The following RIMS2 variants were observed in gnomAD, a reference collection of about 807,000 sequenced individuals.
The protein encoded by RIMS2 is regulating synaptic membrane exocytosis protein 2.
A neutral mutation model predicts 174.4 loss-of-function variants in RIMS2; 59 were observed. The observed-to-expected ratio is 0.34, with a 90% CI of 0.27 to 0.42. The LOEUF is 0.42. RIMS2 is among the 10% of genes least tolerant of loss of function. The pLI, the probability that RIMS2 is intolerant of heterozygous loss-of-function variation, is 1.00. For missense variants in RIMS2, 1,620 were observed against 1,666.3 expected (o/e 0.97, Z 0.48); for synonymous variants, 606 against 572.5 (o/e 1.06, Z -0.84).
chr8:103,788,576 G>T, intron 3 of RIMS2, among the ~76,000 whole-genome samples: 1 of 151,846 alleles, frequency 6.6e-6, no homozygotes, highest in Non-Finnish European at 1.5e-5. Flanking sequence ...TCCCAGTTAG[G>T]CTGCTCGGGG....
intron 19 of RIMS2, among the ~76,000 whole-genome samples, chr8:104,188,383 T>A (rs191309317): frequency 6.6e-6 from 1 of 151,706 alleles, no homozygotes; most frequent in Non-Finnish European, 1.5e-5. Flanking sequence ...TTCAATATTG[T>A]TTTTCTTTGA....
chr8:103,716,811 T>A (rs113456446), intron 2 of RIMS2, among the ~76,000 whole-genome samples: 1 of 152,186 alleles, frequency 6.6e-6, no homozygotes, highest in Non-Finnish European at 1.5e-5. Context: ...ATTTTTCTTA[T>A]ATGTTTTAGA....
chr8:103,986,714 T>C (rs1164005362), intron 16 of RIMS2, among the ~76,000 whole-genome samples: 3 of 151,600 alleles, frequency 2.0e-5, no homozygotes, highest in Admixed American at 6.6e-5. Context: ...CTACTAAAAA[T>C]ACAAAACAAT....
intron 1 of RIMS2, among the ~76,000 whole-genome samples, chr8:103,534,832 CATTATCCTTAAT>C (rs1839052049): frequency 6.6e-6 from 1 of 152,130 alleles, no homozygotes; most frequent in Non-Finnish European, 1.5e-5. Context: ...TAGCACTACA[CATTATCCTTAAT>C]TTTGCCTTTT....
chr8:103,875,571 G>A (rs967532188), intron 3 of RIMS2, among the ~76,000 whole-genome samples: 1 of 151,892 alleles, frequency 6.6e-6, no homozygotes, highest in Non-Finnish European at 1.5e-5. Flanking sequence ...TGTGATAAAC[G>A]TGTGCAGGTG....
chr8:103,720,019 GTTAACT>G (rs1390296502), intron 2 of RIMS2, among the ~76,000 whole-genome samples: 1 of 152,082 alleles, frequency 6.6e-6, no homozygotes, highest in Non-Finnish European at 1.5e-5. Context: ...CTTGTTAGTT[GTTAACT>G]TTTATTGTAG....
At chr8:103,527,200 A>G (rs529620926) in intron 1 of RIMS2, among the ~76,000 whole-genome samples, 34 of 152,322 alleles carry the variant, frequency 2.2e-4, no homozygotes, top group South Asian at 1.5e-3. Context: ...CTTATCAGAC[A>G]TATAAAGCCA....
intron 1 of RIMS2, among the ~76,000 whole-genome samples, chr8:103,552,885 A>G (rs990585095): frequency 1.1e-4 from 17 of 152,164 alleles, no homozygotes; most frequent in Admixed American, 5.2e-4. Flanking sequence ...GCAAATCAAA[A>G]CCACAATGAG....
intron 19 of RIMS2, among the ~76,000 whole-genome samples, chr8:104,134,571 A>T (rs28783218): frequency 0.22 from 33,318 of 152,138 alleles, 3,869 homozygotes; most frequent in South Asian, 0.34. Context: ...AACTTTAATT[A>T]TTCAGTCAGA....
chr8:103,713,904 T>G (rs1009934201), intron 2 of RIMS2, among the ~76,000 whole-genome samples: 2 of 152,216 alleles, frequency 1.3e-5, no homozygotes, highest in African/African-American at 2.4e-5. Flanking sequence ...CCTTTTTTTC[T>G]TTCTTCCTGA....
intron 1 of RIMS2, among the ~76,000 whole-genome samples, chr8:103,611,533 A>ATTTT (rs71575975): frequency 6.8e-6 from 1 of 146,094 alleles, no homozygotes; most frequent in Non-Finnish European, 1.5e-5. Flanking sequence ...GTTGGGAGGA[A>ATTTT]TTTTTTTTTT....
intron 14 of RIMS2, among the ~76,000 whole-genome samples, chr8:103,952,258 G>T (rs974859615): frequency 1.3e-5 from 2 of 152,168 alleles, no homozygotes; most frequent in Admixed American, 6.6e-5. Flanking sequence ...TTTGAGCTCC[G>T]ATAAGGGACA....
intron 1 of RIMS2, among the ~76,000 whole-genome samples, chr8:103,686,368 G>A (rs1213389707): frequency 6.6e-6 from 1 of 152,056 alleles, no homozygotes; most frequent in African/African-American, 2.4e-5. Context: ...TCAGTTTGAT[G>A]TTGATTAGAA....
At chr8:103,993,480 G>A (rs968355755) in intron 17 of RIMS2, among the ~76,000 whole-genome samples, 2 of 152,226 alleles carry the variant, frequency 1.3e-5, no homozygotes, top group South Asian at 2.1e-4. Context: ...CTACCAGAAA[G>A]TGTAACTCGT....
chr8:103,744,746 A>G (rs998512876), intron 2 of RIMS2, among the ~76,000 whole-genome samples: 1 of 152,226 alleles, frequency 6.6e-6, no homozygotes, highest in Non-Finnish European at 1.5e-5. Context: ...TAAATACCCC[A>G]GACCCCTTGC....
chr8:103,796,382 T>A (rs1414659485), intron 3 of RIMS2, among the ~76,000 whole-genome samples: 1 of 152,200 alleles, frequency 6.6e-6, no homozygotes. Flanking sequence ...TATAAAGTGC[T>A]ATTTAAGATA....
chr8:103,623,024 CACTA>C (rs1476609221), intron 1 of RIMS2, among the ~76,000 whole-genome samples: 3 of 152,244 alleles, frequency 2.0e-5, no homozygotes, highest in East Asian at 3.9e-4. Flanking sequence ...TAAAGAAAGA[CACTA>C]ACTGTCTCTG....
At chr8:104,243,611 G>A (rs895249314) in intron 19 of RIMS2, among the ~76,000 whole-genome samples, 9 of 152,048 alleles carry the variant, frequency 5.9e-5, no homozygotes, top group Admixed American at 4.6e-4. Flanking sequence ...ACTTGAACCC[G>A]GGAGGCGGAG....
intron 1 of RIMS2, among the ~76,000 whole-genome samples, chr8:103,553,965 C>T: frequency 6.6e-6 from 1 of 151,830 alleles, no homozygotes; most frequent in Non-Finnish European, 1.5e-5. Flanking sequence ...GACCCCCGTT[C>T]AATAAATAGT....
Sources: gnomAD v4.1 joint callset for allele counts (sites outside exome capture counted in the v4.1 genomes callset) on GRCh38, gnomAD v4.1.1 for gene constraint, MANE v1.5 for transcripts, NCBI Gene and HGNC (gene_info 2026-07-23, HGNC 2026-07-21) for gene names.